Variants in AKAP8 observed in about 807,000 individuals in gnomAD.
AKAP8 encodes the protein A-kinase anchor protein 8.
A neutral mutation model predicts 67.5 loss-of-function variants in AKAP8; 24 were observed. The ratio of observed to expected loss-of-function variants is 0.36; its 90% CI spans 0.26 to 0.50. The LOEUF is 0.50. Ranked by LOEUF, AKAP8 falls within the 20% of genes least tolerant of loss-of-function variation. AKAP8 has a pLI of 0.97. For missense variants in AKAP8, 971 were observed against 955.9 expected (o/e 1.02, Z -0.21); for synonymous variants, 400 against 371.1 (o/e 1.08, Z -0.90).
chr19:15,360,166 AAAAACCAAAACCAAAACC>A (rs895755927), intron 12 of AKAP8, among the ~76,000 whole-genome samples: 1 of 151,998 alleles, frequency 6.6e-6, no homozygotes, highest in African/African-American at 2.4e-5. Context: ...ACGTAAACCA[AAAAACCAAAACCAAAACC>A]AAAACCAAAA....
chr19:15,366,460 C>T (rs537976955), intron 9 of AKAP8, among the ~76,000 whole-genome samples: 123 of 151,490 alleles, frequency 8.1e-4, no homozygotes, highest in African/African-American at 2.8e-3. Context: ...TTCCTGGCTT[C>T]GTTTTGCTAA....
At chr19:15,366,040 A>G (rs866581526) in intron 9 of AKAP8, among the ~76,000 whole-genome samples, 19 of 151,008 alleles carry the variant, frequency 1.3e-4, no homozygotes, top group African/African-American at 3.4e-4. Flanking sequence ...TAAAAAAAAA[A>G]AAAAAGAAAA....
rs547432186 is a variant in AKAP8 at position 15,355,641 on chromosome 19, C to T, written c.1624-271G>A. ...TGCGATCTCGGCTCACTGCAACCTCCGCCTCCTGTGTTTTTAGTAGAGATG... is the reference window on the plus strand; with the variant it reads ...TGCGATCTCGGCTCACTGCAACCTCTGCCTCCTGTGTTTTTAGTAGAGATG... On this transcript the variant is annotated intron_variant, in intron 13 of 13. Transcript: ENST00000269701. Among the ~76,000 whole-genome samples the T allele has an allele frequency of 3.3e-4, 50 of 151,906 alleles. 1 individual carries two copies. The highest frequency in any genetic ancestry group is 1.0e-3 in the African/African-American group (42 of 41,420).
intron 13 of AKAP8, among the ~76,000 whole-genome samples, chr19:15,358,635 C>T (rs918441648): frequency 2.6e-5 from 4 of 152,152 alleles, no homozygotes; most frequent in African/African-American, 9.7e-5. Flanking sequence ...ATCCCAGCTT[C>T]CCGAGTAGGG....
chr19:15,360,931 G>C lies in AKAP8; in HGVS notation c.1444C>G (p.Leu482Val), dbSNP rs758778668. 1.2e-6 allele frequency: 2 copies of C among 1,613,758 alleles called. No homozygotes were observed. The highest frequency in any genetic ancestry group is 2.7e-5 in the African/African-American group (2 of 75,048). ...GCAGGAATTAGCATGTCGCAGGCCA[G>C]GCAGTGAGCAGCCTCGATCTTCTTG... ...FFKKIEAAHCLACDMLIPAQP... is the reference protein window; with the variant it reads ...FFKKIEAAHCVACDMLIPAQP... Residue 482 changes from leucine (L) to valine (V), a missense_variant, in exon 12 of 14, where the codon CTG (leucine) becomes GTG (valine). By Grantham distance (32) the Leu-to-Val change is conservative (BLOSUM62 1). Around this residue, in one of 3 missense-constraint regions of AKAP8, gnomAD observed 763 missense variants for 745.4 expected, o/e 1.02. Coordinates refer to ENST00000269701, the MANE Select transcript of AKAP8 (RefSeq NM_005858.4).
At chr19:15,358,519 T>C (rs552196530) in intron 13 of AKAP8, among the ~76,000 whole-genome samples, 2 of 152,108 alleles carry the variant, frequency 1.3e-5, no homozygotes, top group East Asian at 3.9e-4. Flanking sequence ...GTTCCCCGCT[T>C]TCCTTTATTT....
intron 10 of AKAP8, 73 bp from the exon 11 acceptor site, chr19:15,361,895 C>G: frequency 1.4e-6 from 2 of 1,472,034 alleles, no homozygotes; most frequent in Non-Finnish European, 1.9e-6. Context: ...ACTGCCAGGG[C>G]TAGGCAGGCA....
Position 15,354,501 on chromosome 19 carries a change from T to A in AKAP8, c.*414A>T, listed in dbSNP as rs900090741. ...GAAGCTTGAAACATACAAAAAAAAA[T>A]CCTCTATAGAGCAAGATATATTCCT... is the stretch of plus-strand genomic sequence containing the variant. On this transcript the variant is annotated 3_prime_UTR_variant, in exon 14 of 14. Transcript: ENST00000269701. 5.5e-6 allele frequency: 1 copy of A among 180,492 alleles called. No homozygotes were observed. The highest frequency in any genetic ancestry group is 1.2e-5 in the Non-Finnish European group (1 of 85,080). 11.2% of individuals were successfully genotyped at this position (180,492 alleles called of 1,614,324 possible).
chr19:15,376,930 A>G (rs774767256), intron 2 of AKAP8, 46 bp downstream of exon 2: 2 of 1,595,212 alleles, frequency 1.3e-6, no homozygotes, highest in Admixed American at 3.5e-5. Context: ...TAGGGCCTTG[A>G]GTTAGGGGAA....
At chr19:15,366,195 T>A (rs530532792) in intron 9 of AKAP8, among the ~76,000 whole-genome samples, 85 of 123,312 alleles carry the variant, frequency 6.9e-4, no homozygotes, top group African/African-American at 2.4e-3. Context: ...AAAAATGTCA[T>A]CTCTATACCC....
At chr19:15,375,400 C>T (rs1472080473) in intron 2 of AKAP8, among the ~76,000 whole-genome samples, 1 of 152,156 alleles carries the variant, frequency 6.6e-6, no homozygotes, top group Non-Finnish European at 1.5e-5. Context: ...GCCCGTAGCC[C>T]TGTGCTCTCA....
chr19:15,364,252 C>A lies in AKAP8; in HGVS notation c.1161-2001G>T, dbSNP rs902733874. Among the ~76,000 whole-genome samples, 14 of 150,678 alleles carry A rather than the reference C, an allele frequency of 9.3e-5. No homozygotes were observed. In the East Asian group the frequency reaches 1.4e-3, roughly 15 times the overall value. ...TCTCAGCTAACCGCAACCTCTAACACCCAGGTTCAAGCGATTCTCCTGCCT... is the reference window on the plus strand; with the variant it reads ...TCTCAGCTAACCGCAACCTCTAACAACCAGGTTCAAGCGATTCTCCTGCCT... On this transcript the variant is annotated intron_variant, in intron 9 of 13. Coordinates refer to ENST00000269701, the MANE Select transcript of AKAP8 (RefSeq NM_005858.4).
At chr19:15,359,180 A>C in intron 12 of AKAP8, 118 bp from the exon 13 acceptor site, 1 of 867,978 alleles carries the variant, frequency 1.2e-6, no homozygotes, top group Non-Finnish European at 1.8e-6. Context: ...GCGAATCTCA[A>C]AACGCCAGCC....
At chr19:15,363,256 G>A (rs532648721) in intron 9 of AKAP8, among the ~76,000 whole-genome samples, 11 of 147,148 alleles carry the variant, frequency 7.5e-5, no homozygotes, top group Admixed American at 2.7e-4. Context: ...CCGGCCAGCC[G>A]CCCCGTCTGG....
In AKAP8 at chr19:15,379,726, G is replaced by T. The variant is rs778290852; in HGVS notation, c.6C>A (p.Asp2Glu). The stretch of plus-strand genomic sequence containing the variant: ...GCCAACACAAACCTCCGTAGCCCTG[G>T]TCCATGTCTTCGACGCGGCCCACCA... MDQGYGGYGAWS... is the reference protein window; with the variant it reads MEQGYGGYGAWS... The change falls in exon 1 of 14, where the codon GAC (aspartate) becomes GAA (glutamate). Residue 2 changes from aspartate to glutamate, a missense_variant. By Grantham distance (45) the Asp-to-Glu change is conservative. Around this residue, in one of 3 missense-constraint regions of AKAP8, gnomAD observed 763 missense variants for 745.4 expected, o/e 1.02. Coordinates refer to ENST00000269701, the MANE Select transcript of AKAP8 (RefSeq NM_005858.4). 3.1e-6 allele frequency: 5 copies of T among 1,611,860 alleles called. No individual in the cohort carries two copies. The Admixed American group carries it at 5.0e-5, about 16-fold the overall frequency.
At position 15,353,911 on chromosome 19, in the gene AKAP8, G is replaced by A. The variant is rs1434491278; in HGVS notation, c.*1004C>T. The stretch of plus-strand genomic sequence containing the variant: ...AAAGTAATAGTTATTTCTCTAAAAT[G>A]AAACATATATTTCATTTTATATATA... On this transcript the variant is annotated 3_prime_UTR_variant, in exon 14 of 14. Coordinates refer to ENST00000269701, the MANE Select transcript of AKAP8 (RefSeq NM_005858.4). The A allele has an allele frequency of 7.8e-6, 1 of 128,766 alleles. No individual in the cohort carries two copies. Among genetic ancestry groups the A allele is most frequent in the Non-Finnish European group, 1.6e-5 (1 of 62,320 alleles). 8.0% of individuals were successfully genotyped at this position (128,766 alleles called of 1,614,324 possible). A position where few individuals can be genotyped will look rare whatever the true frequency, so the allele number is the denominator to read the frequency against.
chr19:15,372,945 T>C lies in AKAP8; in HGVS notation c.767A>G (p.Tyr256Cys), dbSNP rs1304748437. The C allele has an allele frequency of 2.6e-6, 4 of 1,543,596 alleles. No homozygotes were observed. The highest frequency in any genetic ancestry group is 2.3e-5 in the East Asian group (1 of 44,262). The stretch of plus-strand genomic sequence containing the variant: ...CGCCCCCTGCATGCCCATCACGCCG[T>C]AGTCGGGAGCCATGGACTGGGAGAA... ...SLFSQSMAPD[Y>C]GVMGMQGAGG... Residue 256 changes from tyrosine (Y) to cysteine (C), a missense_variant, in exon 5 of 14, where the codon TAC becomes TGC. Tyr to Cys is a radical substitution (Grantham distance 194). Coordinates refer to ENST00000269701, the MANE Select transcript of AKAP8 (RefSeq NM_005858.4).
chr19:15,376,407 C>T (rs1011065593), intron 2 of AKAP8, among the ~76,000 whole-genome samples: 5 of 151,890 alleles, frequency 3.3e-5, no homozygotes, highest in East Asian at 3.9e-4. Context: ...CCCAGCTACT[C>T]GGGAGGCTGC....
intron 9 of AKAP8, among the ~76,000 whole-genome samples, chr19:15,366,154 G>GAAAAAAAAAAAAAAGAAAAAAAA (rs374068497): frequency 1.1e-5 from 1 of 95,018 alleles, no homozygotes; most frequent in Non-Finnish European, 1.9e-5. Context: ...AAAGCAAAAA[G>GAAAAAAAAAAAAAAGAAAAAAAA]AAAAAAAAAA....
Sources: allele counts gnomAD v4.1 joint callset (sites outside exome capture counted in the v4.1 genomes callset), GRCh38; gene constraint gnomAD v4.1.1; regional missense constraint gnomAD v4.1.1; transcripts MANE v1.5; gene names NCBI Gene and HGNC (gene_info 2026-07-23, HGNC 2026-07-21).